The following SDK1 variants were observed in gnomAD, a reference collection of about 807,000 sequenced individuals.
SDK1 encodes the protein sidekick cell adhesion molecule 1.
A neutral mutation model predicts 245.5 loss-of-function variants in SDK1; 157 were observed. The ratio of observed to expected loss-of-function variants is 0.64; its 90% CI spans 0.56 to 0.73. SDK1 has a LOEUF of 0.73. SDK1 is among the 30% of genes least tolerant of loss of function. The pLI is 0.00. For synonymous variants in SDK1, 1,647 were observed against 1,278.5 expected (o/e 1.29, Z -6.15); for missense variants, 3,583 against 3,002.3 (o/e 1.19, Z -4.52).
chr7:3,503,416 A>G (rs1782279882), intron 1 of SDK1, among the ~76,000 whole-genome samples: 1 of 152,196 alleles, frequency 6.6e-6, no homozygotes, highest in South Asian at 2.1e-4. Flanking sequence ...GTGGTGGCTC[A>G]TGCCCATAAT....
At chr7:4,075,070 AGAG>A (rs1461817955) in intron 20 of SDK1, among the ~76,000 whole-genome samples, 1 of 151,598 alleles carries the variant, frequency 6.6e-6, no homozygotes, top group Admixed American at 6.6e-5. Context: ...AAGACACCAC[AGAG>A]GATGGTTTAG....
chr7:3,682,680 C>T (rs1022367736), intron 4 of SDK1, among the ~76,000 whole-genome samples: 1 of 151,732 alleles, frequency 6.6e-6, no homozygotes, highest in Admixed American at 6.6e-5. Flanking sequence ...CTGCTCTCCT[C>T]TCTCAGAAGG....
intron 1 of SDK1, among the ~76,000 whole-genome samples, chr7:3,543,985 C>CA (rs1779132284): frequency 6.6e-6 from 1 of 152,166 alleles, no homozygotes; most frequent in Non-Finnish European, 1.5e-5. Context: ...TATCACTGGC[C>CA]ATCTCTACTA....
chr7:3,560,162 C>T (rs1170929686), intron 1 of SDK1, among the ~76,000 whole-genome samples: 2 of 152,182 alleles, frequency 1.3e-5, no homozygotes, highest in African/African-American at 4.8e-5. Flanking sequence ...TGTTACTTAT[C>T]ATAAAATATT....
At chr7:3,439,694 A>G (rs1352955778) in intron 1 of SDK1, among the ~76,000 whole-genome samples, 1 of 152,240 alleles carries the variant, frequency 6.6e-6, no homozygotes. Context: ...TTTGGATAAG[A>G]TACAGCTTGC....
intron 4 of SDK1, among the ~76,000 whole-genome samples, chr7:3,815,790 A>T (rs1317020556): frequency 9.9e-5 from 15 of 151,094 alleles, no homozygotes; most frequent in African/African-American, 3.4e-4. Context: ...AACAGAATAT[A>T]CATTTTTTTC....
chr7:4,165,815 C>G (rs182251611), intron 32 of SDK1, among the ~76,000 whole-genome samples: 1 of 151,534 alleles, frequency 6.6e-6, no homozygotes. Context: ...AAGACAGGGT[C>G]TTTCCCTGTC....
At chr7:3,379,780 C>T (rs192952983) in intron 1 of SDK1, among the ~76,000 whole-genome samples, 24 of 142,454 alleles carry the variant, frequency 1.7e-4, no homozygotes, top group East Asian at 4.1e-4. Flanking sequence ...ATCCCAAATC[C>T]GAAATTTGCA....
Position 3,962,771 on chromosome 7 carries a change from C to A in SDK1, c.1349C>A (p.Pro450Gln). Residue 450 changes from proline (P) to glutamine (Q), a missense_variant, in exon 9 of 45, where the codon CCA becomes CAA. Transcript: ENST00000404826. ...GGCCTGCGCATCCAGAAGCTGCGTC[C>A]AGAGGACTCCGGAATCTTCCAGTGC... ...SGGLRIQKLR[P>Q]EDSGIFQCFA... is the part of the protein sequence containing the mutation. The A allele has an allele frequency of 6.2e-7, 1 of 1,613,732 alleles. No homozygotes were observed.
At chr7:3,458,019 C>A (rs1172140600) in intron 1 of SDK1, among the ~76,000 whole-genome samples, 1 of 152,144 alleles carries the variant, frequency 6.6e-6, no homozygotes, top group Non-Finnish European at 1.5e-5. Flanking sequence ...TTGCCCTTTG[C>A]CTTATAGCCT....
chr7:4,005,924 G>A (rs923411571), intron 14 of SDK1, among the ~76,000 whole-genome samples: 7 of 151,830 alleles, frequency 4.6e-5, no homozygotes, highest in African/African-American at 1.7e-4. Flanking sequence ...CCAGCCTGGG[G>A]GATGGAATGT....
intron 4 of SDK1, among the ~76,000 whole-genome samples, chr7:3,687,609 A>T (rs1784326183): frequency 6.6e-6 from 1 of 152,150 alleles, no homozygotes; most frequent in African/African-American, 2.4e-5. Flanking sequence ...TGATGAAAAA[A>T]ATTCAGTCCC....
intron 1 of SDK1, among the ~76,000 whole-genome samples, chr7:3,497,091 T>C (rs1458768517): frequency 6.6e-6 from 1 of 152,220 alleles, no homozygotes; most frequent in African/African-American, 2.4e-5. Context: ...GAAGAATGTT[T>C]ATTAACAGAC....
chr7:3,476,093 TTC>T (rs1238874406), intron 1 of SDK1: 3 of 152,680 alleles, frequency 2.0e-5, no homozygotes, highest in Non-Finnish European at 4.4e-5. Flanking sequence ...TTCAAACAAT[TTC>T]TCTCTGTTTT....
At chr7:4,061,890 C>A (rs1485957800) in intron 19 of SDK1, among the ~76,000 whole-genome samples, 1 of 148,414 alleles carries the variant, frequency 6.7e-6, no homozygotes, top group African/African-American at 2.5e-5. Flanking sequence ...GAACAAAAAA[C>A]CAAACACGGC....
intron 1 of SDK1, among the ~76,000 whole-genome samples, chr7:3,410,576 A>G (rs1779173055): frequency 8.1e-6 from 1 of 123,124 alleles, no homozygotes; most frequent in South Asian, 2.6e-4. Flanking sequence ...GTGAAATGAT[A>G]TCTTTTTTTT....
chr7:4,109,808 G>A (rs763869187), intron 22 of SDK1, among the ~76,000 whole-genome samples: 1 of 152,196 alleles, frequency 6.6e-6, no homozygotes, highest in Non-Finnish European at 1.5e-5. Flanking sequence ...GGTTTCTTAA[G>A]AGCACAAGGA....
At position 3,418,149 on chromosome 7, in the gene SDK1, A is replaced by C. The variant is rs975293148; in HGVS notation, c.298+116265A>C. On this transcript the variant is annotated intron_variant, in intron 1 of 44. Coordinates refer to ENST00000404826, the MANE Select transcript of SDK1 (RefSeq NM_152744.4). Reference sequence around the variant, plus strand: ...AACCCGATCTCTACTAAAAATGAAAAAAAAAAAAAAAAAAAAAAATAGCTG... The same window carrying C: ...AACCCGATCTCTACTAAAAATGAAACAAAAAAAAAAAAAAAAAAATAGCTG... Among the ~76,000 whole-genome samples the C allele has an allele frequency of 1.6e-4, 9 of 54,762 alleles. 1 individual carries two copies. Among genetic ancestry groups the C allele is most frequent in the African/African-American group, 3.4e-4 (9 of 26,378 alleles). The allele number at this position is 54,762 out of a possible 152,430, so 35.9% of individuals were successfully genotyped here.
intron 11 of SDK1, among the ~76,000 whole-genome samples, chr7:3,970,744 C>G (rs6462503): frequency 6.6e-6 from 1 of 152,158 alleles, no homozygotes; most frequent in Non-Finnish European, 1.5e-5. Context: ...CTATTAGTGA[C>G]GTAAGCATTC....
Sources: gnomAD v4.1 joint callset for allele counts (sites outside exome capture counted in the v4.1 genomes callset) on GRCh38, gnomAD v4.1.1 for gene constraint, MANE v1.5 for transcripts, NCBI Gene and HGNC (gene_info 2026-07-23, HGNC 2026-07-21) for gene names.